Variants in HPSE2 observed in about 807,000 individuals in gnomAD.
HPSE2 encodes inactive heparanase-2.
In HPSE2, 38 loss-of-function variants were observed where a neutral mutation model predicts 60.5. The observed-to-expected ratio is 0.63, with a 90% CI of 0.48 to 0.82. HPSE2 has a LOEUF of 0.82. HPSE2 is among the 40% of genes least tolerant of loss of function. The pLI is 0.00. For synonymous variants in HPSE2, 295 were observed against 293.2 expected (o/e 1.01, Z -0.06); for missense variants, 713 against 740.4 (o/e 0.96, Z 0.43).
intron 3 of HPSE2, among the ~76,000 whole-genome samples, chr10:99,094,146 C>T (rs1293139033): frequency 6.6e-6 from 1 of 151,966 alleles, no homozygotes; most frequent in Admixed American, 6.6e-5. Flanking sequence ...TTCCATTTGA[C>T]CCATGAATTA....
At chr10:99,312,274 C>A in the HPSE2 span, among the ~76,000 whole-genome samples, 1 of 152,330 alleles carries the variant, frequency 6.6e-6, no homozygotes, top group Non-Finnish European at 1.5e-5. Context: ...TCTCTTGGAA[C>A]CAGATGTCAC....
intron 9 of HPSE2, among the ~76,000 whole-genome samples, chr10:98,514,711 G>GTTTTTTTTTTTTTT (rs35977879): frequency 1.5e-5 from 1 of 67,726 alleles, no homozygotes; most frequent in Non-Finnish European, 2.9e-5. Flanking sequence ...TATATACTTT[G>GTTTTTTTTTTTTTT]TTTTTTTTTT....
Position 98,721,558 on chromosome 10 carries a change from A to AAAATAAAT in HPSE2, c.956+91_956+98dup, listed in dbSNP as rs147098746. 2.7e-4 allele frequency: 315 copies of AAAATAAAT among 1,186,512 alleles called. 1 individual carries two copies. Among genetic ancestry groups the AAAATAAAT allele is most frequent in the African/African-American group, 1.1e-3 (66 of 62,852 alleles). The allele number at this position is 1,186,512 out of a possible 1,614,324, so 73.5% of individuals were successfully genotyped here. On this transcript the variant is annotated intron_variant, in intron 5 of 11. Transcript: ENST00000370552. ...GAGTCCCTCCTTTTTTCTTAAGACCAAAATAAATAAATAAATAAATAAATA... is the reference window on the plus strand; with the variant it reads ...GAGTCCCTCCTTTTTTCTTAAGACCAAAATAAATAAATAAATAAATAAATAAATAAATA...
intron 9 of HPSE2, among the ~76,000 whole-genome samples, chr10:98,568,538 C>A (rs1944409262): frequency 6.6e-6 from 1 of 152,214 alleles, no homozygotes; most frequent in Non-Finnish European, 1.5e-5. Flanking sequence ...AGAGCAGTCT[C>A]TAGATTGTCC....
chr10:98,567,525 C>T (rs1408028576), intron 9 of HPSE2, among the ~76,000 whole-genome samples: 2 of 152,152 alleles, frequency 1.3e-5, no homozygotes, highest in African/African-American at 2.4e-5. Flanking sequence ...TCTATCCTGT[C>T]ACCGGGATTT....
At chr10:99,099,734 G>A (rs1329611782) in intron 3 of HPSE2, among the ~76,000 whole-genome samples, 4 of 152,148 alleles carry the variant, frequency 2.6e-5, no homozygotes, top group African/African-American at 9.7e-5. Flanking sequence ...TAACTGGGAG[G>A]CACCCCCTAG....
the HPSE2 span, among the ~76,000 whole-genome samples, chr10:99,271,300 A>G: frequency 6.6e-6 from 1 of 152,240 alleles, no homozygotes; most frequent in Non-Finnish European, 1.5e-5. Context: ...TCAGGATACG[A>G]AATTAATATA....
intron 3 of HPSE2, among the ~76,000 whole-genome samples, chr10:99,100,257 G>A (rs1843903783): frequency 1.3e-5 from 2 of 152,096 alleles, no homozygotes; most frequent in Non-Finnish European, 2.9e-5. Flanking sequence ...AAGATTAGAT[G>A]AATGGCTTAC....
upstream of HPSE2, chr10:99,235,926 C>CA: frequency 1.3e-6 from 1 of 741,782 alleles, no homozygotes; most frequent in South Asian, 1.5e-5. Context: ...ACCACCCCCC[C>CA]AACACACACA....
intron 3 of HPSE2, among the ~76,000 whole-genome samples, chr10:99,043,721 A>G (rs1957794487): frequency 6.6e-6 from 1 of 152,212 alleles, no homozygotes. Context: ...ATTTTGTAAT[A>G]CAATCAGAAG....
intron 3 of HPSE2, among the ~76,000 whole-genome samples, chr10:99,044,980 C>CTTT (rs1482841792): frequency 2.4e-4 from 36 of 152,170 alleles, no homozygotes; most frequent in African/African-American, 8.7e-4. Context: ...TACAAAGAAA[C>CTTT]TATGGACTCA....
intron 9 of HPSE2, among the ~76,000 whole-genome samples, chr10:98,554,293 C>G (rs1002741077): frequency 6.6e-6 from 1 of 152,204 alleles, no homozygotes; most frequent in Admixed American, 6.5e-5. Context: ...TATTATTTGC[C>G]TAAGCCCGGA....
intron 9 of HPSE2, among the ~76,000 whole-genome samples, chr10:98,509,971 G>GCA (rs1170575215): frequency 5.6e-4 from 85 of 150,598 alleles, no homozygotes; most frequent in African/African-American, 2.0e-3. Flanking sequence ...ACACACACAC[G>GCA]CACACACACA....
intron 3 of HPSE2, among the ~76,000 whole-genome samples, chr10:99,002,348 CT>C (rs1451061372): frequency 6.6e-6 from 1 of 152,080 alleles, no homozygotes; most frequent in Non-Finnish European, 1.5e-5. Flanking sequence ...ATAGTAGTGA[CT>C]TCCTTCCAAA....
chr10:98,921,822 T>C (rs1370779489), intron 3 of HPSE2, among the ~76,000 whole-genome samples: 2 of 152,006 alleles, frequency 1.3e-5, no homozygotes, highest in South Asian at 2.1e-4. Context: ...ATATCTTTCA[T>C]GGAGTTCTGT....
the HPSE2 span, among the ~76,000 whole-genome samples, chr10:99,298,181 G>A: frequency 6.6e-6 from 1 of 152,294 alleles, no homozygotes; most frequent in South Asian, 2.1e-4. Flanking sequence ...AGGCAACGCT[G>A]TCTACCCTTC....
chr10:98,494,519 A>G (rs1424569054), intron 9 of HPSE2, among the ~76,000 whole-genome samples: 1 of 152,260 alleles, frequency 6.6e-6, no homozygotes, highest in Non-Finnish European at 1.5e-5. Context: ...TGTGGGAGCT[A>G]AGAACATAAA....
chr10:99,110,962 C>A (rs1844434308), intron 3 of HPSE2, among the ~76,000 whole-genome samples: 1 of 152,072 alleles, frequency 6.6e-6, no homozygotes, highest in South Asian at 2.1e-4. Flanking sequence ...CATTTTTAAT[C>A]CATGATCCAT....
chr10:99,045,967 C>A (rs1166092754), intron 3 of HPSE2, among the ~76,000 whole-genome samples: 2 of 152,098 alleles, frequency 1.3e-5, no homozygotes, highest in Non-Finnish European at 2.9e-5. Context: ...AGAGGAGAGG[C>A]TCCTCCCTAA....
Sources: gnomAD v4.1 joint callset for allele counts (sites outside exome capture counted in the v4.1 genomes callset) on GRCh38, gnomAD v4.1.1 for gene constraint, MANE v1.5 for transcripts, NCBI Gene and HGNC (gene_info 2026-07-23, HGNC 2026-07-21) for gene names.